Variants in FBXO2 observed in about 807,000 individuals in gnomAD.
FBXO2 encodes F-box protein 2.
A neutral mutation model predicts 38.6 loss-of-function variants in FBXO2; 32 were observed. The ratio of observed to expected loss-of-function variants is 0.83; its 90% CI spans 0.62 to 1.11. The LOEUF is 1.11. FBXO2 is among the 50% of genes most tolerant of loss of function. The probability of loss-of-function intolerance (pLI) is 0.00; values close to 1 mark genes in which losing one functional copy is unlikely to be tolerated. For synonymous variants in FBXO2, 189 were observed against 182.9 expected (o/e 1.03, Z -0.27); for missense variants, 450 against 418.3 (o/e 1.08, Z -0.66).
rs776286689 is a variant in FBXO2, at chr1:11,648,771, C to G, written c.814G>C (p.Gly272Arg). The G allele has an allele frequency of 9.3e-6, 15 of 1,613,662 alleles. No individual in the cohort carries two copies. Among genetic ancestry groups the G allele is most frequent in the South Asian group, 6.6e-5 (6 of 91,088 alleles). The change falls in exon 6 of 6, where the codon GGG becomes CGG. Residue 272 changes from glycine to arginine, a missense_variant. By Grantham distance (125) the Gly-to-Arg change is moderately radical. Coordinates refer to ENST00000354287, the MANE Select transcript of FBXO2 (RefSeq NM_012168.6). The surrounding 1 kb of genome is among the most constrained non-coding windows in gnomAD (Gnocchi z 4.2). ...PGVRFVRFEH[G>R]GQDSVYWKGW... ...TTCCAGTAGACGGAGTCCTGCCCCC[C>G]GTGCTCGAAGCGGACGAAGCGGACG...
chr1:11,648,805 G>A lies in FBXO2; in HGVS notation c.780C>T (p.Tyr260=), dbSNP rs1133892. The change falls in exon 6 of 6, where the codon TAC becomes TAT. Residue 260 remains tyrosine (Y), a synonymous_variant. Coordinates refer to ENST00000354287, the MANE Select transcript of FBXO2 (RefSeq NM_012168.6). This position sits in a 1 kb window ranked among gnomAD's most constrained non-coding sequence, Gnocchi z 4.2. ...AGCGGACGAAGCGGACGCCCGGCCC[G>A]TAGTCGGTGAAGGTGTGGGAGATCT... is the stretch of plus-strand genomic sequence containing the variant. The part of the protein sequence containing the change: ...WMEISHTFTD[Y]GPGVRFVRFE... 1 of 1,613,602 alleles carries A rather than the reference G, an allele frequency of 6.2e-7. No homozygotes were observed. Among genetic ancestry groups the A allele is most frequent in the Non-Finnish European group, 8.5e-7 (1 of 1,180,026 alleles).
chr1:11,649,816 G>A lies in FBXO2; in HGVS notation c.580C>T (p.Leu194=). The change falls in exon 4 of 6, where the codon CTG becomes TTG. Residue 194 remains leucine (L), a synonymous_variant. Coordinates refer to ENST00000354287, the MANE Select transcript of FBXO2 (RefSeq NM_012168.6). ...LQAEGYWEEL[L]DTTQPAIVVK... ...ACGATGGCCGGCTGAGTCGTGTCCA[G>A]CAGCTCCTCCCAGTAGCCCTCAGCC... The A allele has an allele frequency of 6.2e-7, 1 of 1,613,978 alleles. No homozygotes were observed. The highest frequency in any genetic ancestry group is 1.1e-5 in the South Asian group (1 of 91,082).
At position 11,649,884 on chromosome 1, in the gene FBXO2, C is replaced by T; in HGVS notation, c.522-10G>A. 15 of 1,614,024 alleles carry T rather than the reference C, an allele frequency of 9.3e-6. No homozygotes were observed. Among genetic ancestry groups the T allele is most frequent in the Non-Finnish European group, 1.2e-5 (14 of 1,180,024 alleles). On this transcript the variant is annotated splice_polypyrimidine_tract_variant and intron_variant, in intron 3 of 5. Coordinates refer to ENST00000354287, the MANE Select transcript of FBXO2 (RefSeq NM_012168.6). ...TGCTTTGCGACACCACCTGGGAGAA[C>T]TGGAGTTAGGACAGAGCGAACGCTC...
At chr1:11,650,863 G>C (rs1167353739) in intron 1 of FBXO2, 29 bp from the exon 2 acceptor site, 3 of 1,558,144 alleles carry the variant, frequency 1.9e-6, no homozygotes, top group Non-Finnish European at 1.7e-6. Context: ...GGGAGGCTGT[G>C]ATTCCTCCAC....
Position 11,649,983 on chromosome 1 carries a change from G to A in FBXO2, c.483C>T (p.His161=). The change falls in exon 3 of 6, where the codon CAC becomes CAT. Residue 161 remains histidine (H), a synonymous_variant. Transcript: ENST00000354287. ...LPGDSGVEFT[H]DESVKKYFAS... ...CGAAGTACTTCTTGACGCTCTCATC[G>A]TGGGTGAACTCCACCCCACTGTCTC... 6 of 1,613,942 alleles carry A rather than the reference G, an allele frequency of 3.7e-6. No homozygotes were observed. Among genetic ancestry groups the A allele is most frequent in the Non-Finnish European group, 5.1e-6 (6 of 1,180,002 alleles).
chr1:11,648,924 C>A lies in FBXO2; in HGVS notation c.757-96G>T, dbSNP rs1024723869. On this transcript the variant is annotated intron_variant, in intron 5 of 5. Transcript: ENST00000354287. The surrounding 1 kb of genome is among the most constrained non-coding windows in gnomAD (Gnocchi z 4.2). ...CCGACCGACCTGCAGCTCCCCCACT[C>A]GGTTTCTCCGCGGTATTCAGAACTC... 6.4e-7 allele frequency: 1 copy of A among 1,551,244 alleles called. No individual in the cohort carries two copies. Among genetic ancestry groups the A allele is most frequent in the Non-Finnish European group, 8.8e-7 (1 of 1,137,824 alleles).
chr1:11,648,611 G>A lies in FBXO2; in HGVS notation c.*83C>T. On this transcript the variant is annotated 3_prime_UTR_variant, in exon 6 of 6. Coordinates refer to ENST00000354287, the MANE Select transcript of FBXO2 (RefSeq NM_012168.6). This position sits in a 1 kb window ranked among gnomAD's most constrained non-coding sequence, Gnocchi z 4.2. ...AGGATGTGTGGCTTGGGGAAGGTGA[G>A]GACGCTATGGACTAAGTTAAGGCCT... is the stretch of plus-strand genomic sequence containing the variant. The A allele has an allele frequency of 1.3e-6, 2 of 1,533,894 alleles. No individual in the cohort carries two copies. Among genetic ancestry groups the A allele is most frequent in the Non-Finnish European group, 1.8e-6 (2 of 1,126,490 alleles).
At chr1:11,649,515 A>G (rs1056594983) in intron 4 of FBXO2, 2 of 587,478 alleles carry the variant, frequency 3.4e-6, no homozygotes, top group East Asian at 2.8e-5. Flanking sequence ...TGGACCGCAG[A>G]CTGATTTTGA....
At chr1:11,649,626 C>G (rs1639478791) in intron 4 of FBXO2, 153 bp downstream of exon 4, 1 of 701,036 alleles carries the variant, frequency 1.4e-6, no homozygotes, top group South Asian at 1.8e-5. Flanking sequence ...CCTGCAAACA[C>G]GGAAGTTGTC....
chr1:11,651,141 G>A (rs757883538), intron 1 of FBXO2, among the ~76,000 whole-genome samples: 1 of 152,166 alleles, frequency 6.6e-6, no homozygotes, highest in African/African-American at 2.4e-5. Flanking sequence ...TCCATCTATA[G>A]CACTGCACAG....
At chr1:11,651,140 A>T (rs1193940054) in intron 1 of FBXO2, among the ~76,000 whole-genome samples, 1 of 152,196 alleles carries the variant, frequency 6.6e-6, no homozygotes, top group Non-Finnish European at 1.5e-5. Context: ...ATCCATCTAT[A>T]GCACTGCACA....
chr1:11,654,244 G>A (rs1639613707), intron 1 of FBXO2, 75 bp downstream of exon 1: 1 of 1,440,856 alleles, frequency 6.9e-7, no homozygotes, highest in Non-Finnish European at 9.2e-7. Flanking sequence ...GCTCTCTGAC[G>A]CCCCTCTGTG....
Position 11,648,810 on chromosome 1 carries a change from C to G in FBXO2, c.775G>C (p.Asp259His). 1 of 1,613,668 alleles carries G rather than the reference C, an allele frequency of 6.2e-7. No individual in the cohort carries two copies. Residue 259 changes from aspartate (D) to histidine (H), a missense_variant, in exon 6 of 6, where the codon GAC becomes CAC. By Grantham distance (81) the Asp-to-His change is moderately conservative (BLOSUM62 -1). Transcript: ENST00000354287. This position sits in a 1 kb window ranked among gnomAD's most constrained non-coding sequence, Gnocchi z 4.2. ...GWMEISHTFT[D>H]YGPGVRFVRF... ...ACGAAGCGGACGCCCGGCCCGTAGT[C>G]GGTGAAGGTGTGGGAGATCTGGGGG...
At chr1:11,650,397 G>T (rs539726551) in intron 2 of FBXO2, 69 bp downstream of exon 2, 28 of 1,543,686 alleles carry the variant, frequency 1.8e-5, no homozygotes, top group Middle Eastern at 3.5e-4. Flanking sequence ...CTCCCTCAAA[G>T]CCAGGCGGCG....
Position 11,649,101 on chromosome 1 carries a change from C to G in FBXO2, c.742G>C (p.Gly248Arg). ...CCCAGGCTCACCTCCATCCAGCCCC[C>G]GCCGTCACTGTCTTGGGGCACTGCC... Reference protein sequence around the residue: ...QVAVPQDSDGGGWMEISHTFT... With the variant: ...QVAVPQDSDGRGWMEISHTFT... The change falls in exon 5 of 6, where the codon GGG (glycine) becomes CGG (arginine). Residue 248 changes from glycine to arginine, a missense_variant. Gly to Arg is a moderately radical substitution (Grantham distance 125). Transcript: ENST00000354287. 1 of 1,597,856 alleles carries G rather than the reference C, an allele frequency of 6.3e-7. No homozygotes were observed. Among genetic ancestry groups the G allele is most frequent in the South Asian group, 1.1e-5 (1 of 88,156 alleles).
At position 11,648,959 on chromosome 1, in the gene FBXO2, C is replaced by G. The variant is rs555322106; in HGVS notation, c.756+128G>C. On this transcript the variant is annotated intron_variant, in intron 5 of 5. Transcript: ENST00000354287. This position sits in a 1 kb window ranked among gnomAD's most constrained non-coding sequence, Gnocchi z 4.2. ...GCGGTATTCAGAACTCTCTCCACCA[C>G]CCGGTGACTATCTCAGCCCAGCCCA... 1.7e-5 allele frequency: 24 copies of G among 1,432,972 alleles called. No individual in the cohort carries two copies. In the South Asian group the frequency reaches 2.8e-4, roughly 17 times the overall value. The allele number at this position is 1,432,972 out of a possible 1,614,324, so 88.8% of individuals were successfully genotyped here. A position where few individuals can be genotyped will look rare whatever the true frequency, so the allele number is the denominator to read the frequency against.
chr1:11,651,000 G>T (rs1639511700), intron 1 of FBXO2, among the ~76,000 whole-genome samples, 166 bp from the exon 2 acceptor site: 1 of 152,214 alleles, frequency 6.6e-6, no homozygotes, highest in African/African-American at 2.4e-5. Flanking sequence ...AGGGCCACAA[G>T]GCCACAGACC....
At chr1:11,649,539 C>T (rs996148764) in intron 4 of FBXO2, 1 of 592,468 alleles carries the variant, frequency 1.7e-6, no homozygotes, top group African/African-American at 1.9e-5. Context: ...ATATACATTA[C>T]ATATATACAA....
In FBXO2 at chr1:11,650,748, C is replaced by G. The variant is rs572164329; in HGVS notation, c.109G>C (p.Glu37Gln). The G allele has an allele frequency of 2.0e-6, 3 of 1,531,738 alleles. No homozygotes were observed. Among genetic ancestry groups the G allele is most frequent in the South Asian group, 1.2e-5 (1 of 83,836 alleles). The allele number at this position is 1,531,738 out of a possible 1,614,324, so 94.9% of individuals were successfully genotyped here. A position where few individuals can be genotyped will look rare whatever the true frequency, so the allele number is the denominator to read the frequency against. The stretch of plus-strand genomic sequence containing the variant: ...GCGGCGGCGGCCGCCGCCTCCTCCT[C>G]CTGCTGGTCCTCCGGCCGCTCCTCC... ...AEEERPEDQQEEEAAAAAAYL... is the reference protein window; with the variant it reads ...AEEERPEDQQQEEAAAAAAYL... The change falls in exon 2 of 6, where the codon GAG (glutamate) becomes CAG (glutamine). Residue 37 changes from glutamate (E) to glutamine (Q), a missense_variant. Glu to Gln is a conservative substitution (Grantham distance 29, BLOSUM62 2). Transcript: ENST00000354287.
Sources: allele counts gnomAD v4.1 joint callset (sites outside exome capture counted in the v4.1 genomes callset), GRCh38; gene constraint gnomAD v4.1.1; non-coding constraint Gnocchi (gnomAD v3.1); transcripts MANE v1.5; gene names NCBI Gene and HGNC (gene_info 2026-07-23, HGNC 2026-07-21).